Variants in UNC5C observed in about 807,000 individuals in gnomAD.
The protein encoded by UNC5C is netrin receptor UNC5C.
A neutral mutation model predicts 99.8 loss-of-function variants in UNC5C; 47 were observed. The observed-to-expected ratio is 0.47, with a 90% confidence interval of 0.37 to 0.60. The LOEUF is 0.60. Among genes scored for constraint, UNC5C ranks in the 20% least tolerant of loss-of-function variants. The pLI is 0.00. For missense variants in UNC5C, 1,062 were observed against 1,165.9 expected (o/e 0.91, Z 1.30); for synonymous variants, 487 against 452.2 (o/e 1.08, Z -0.98).
intron 1 of UNC5C, among the ~76,000 whole-genome samples, chr4:95,506,835 T>A (rs1255977745): frequency 6.6e-6 from 1 of 151,980 alleles, no homozygotes; most frequent in Non-Finnish European, 1.5e-5. Flanking sequence ...CTTTCACTAT[T>A]ACTCTCTTCT....
At chr4:95,458,836 A>G (rs1747516055) in intron 1 of UNC5C, among the ~76,000 whole-genome samples, 1 of 152,092 alleles carries the variant, frequency 6.6e-6, no homozygotes, top group East Asian at 1.9e-4. Context: ...TAGAATATTG[A>G]ACTTCATAGT....
intron 10 of UNC5C, among the ~76,000 whole-genome samples, chr4:95,211,871 G>A (rs1274141078): frequency 6.6e-6 from 1 of 152,012 alleles, no homozygotes; most frequent in Non-Finnish European, 1.5e-5. Context: ...ACATTGTCAA[G>A]AACAGTATGA....
chr4:95,397,807 T>G (rs1745560099), intron 1 of UNC5C, among the ~76,000 whole-genome samples: 1 of 152,164 alleles, frequency 6.6e-6, no homozygotes, highest in Non-Finnish European at 1.5e-5. Flanking sequence ...ACAAAGAACA[T>G]TTAAATTAAC....
intron 1 of UNC5C, among the ~76,000 whole-genome samples, chr4:95,457,479 C>A (rs1278088270): frequency 6.6e-6 from 1 of 152,082 alleles, no homozygotes; most frequent in African/African-American, 2.4e-5. Flanking sequence ...CACTTTTCAT[C>A]TGTCTGGGAA....
intron 1 of UNC5C, among the ~76,000 whole-genome samples, chr4:95,362,799 A>C (rs1421066904): frequency 6.6e-6 from 1 of 152,188 alleles, no homozygotes; most frequent in Non-Finnish European, 1.5e-5. Flanking sequence ...TTTAAATGAA[A>C]ACCCCTTCTC....
chr4:95,504,401 A>G (rs1289787911), intron 1 of UNC5C, among the ~76,000 whole-genome samples: 1 of 152,154 alleles, frequency 6.6e-6, no homozygotes, highest in Non-Finnish European at 1.5e-5. Flanking sequence ...TGGGGCAACT[A>G]TCATTTCCTC....
chr4:95,488,749 A>G (rs1578191188), intron 1 of UNC5C, among the ~76,000 whole-genome samples: 1 of 151,816 alleles, frequency 6.6e-6, no homozygotes, highest in East Asian at 1.9e-4. Flanking sequence ...ACCATCTGAG[A>G]ATAGTTCTAT....
intron 12 of UNC5C, among the ~76,000 whole-genome samples, chr4:95,185,943 A>G (rs1026149958): frequency 2.0e-5 from 3 of 149,578 alleles, no homozygotes; most frequent in Admixed American, 1.4e-4. Flanking sequence ...GCTGATGAAA[A>G]AATTTGCTAC....
At chr4:95,272,104 C>G (rs1740687478) in intron 4 of UNC5C, among the ~76,000 whole-genome samples, 1 of 152,200 alleles carries the variant, frequency 6.6e-6, no homozygotes, top group African/African-American at 2.4e-5. Flanking sequence ...CCCCAACAAC[C>G]ATCACCCTCT....
chr4:95,405,585 C>T (rs1318033160), intron 1 of UNC5C, among the ~76,000 whole-genome samples: 1 of 152,096 alleles, frequency 6.6e-6, no homozygotes, highest in Non-Finnish European at 1.5e-5. Flanking sequence ...AAAGAAAATC[C>T]TTGAAATCTC....
At position 95,257,530 on chromosome 4, in the gene UNC5C, G is replaced by T. The variant is rs150609903; in HGVS notation, c.595-6863C>A. Among the ~76,000 whole-genome samples, 170 of 152,304 alleles carry T rather than the reference G, an allele frequency of 1.1e-3. 1 individual carries two copies. Among genetic ancestry groups the T allele is most frequent in the African/African-American group, 3.6e-3 (148 of 41,570 alleles). The stretch of plus-strand genomic sequence containing the variant: ...ATATGAGTTGACGGTATGTGGAAAG[G>T]GGGGTGCAAGGGGCACTCATCTTCC... On this transcript the variant is annotated intron_variant, in intron 4 of 15. Transcript: ENST00000453304.
At chr4:95,248,189 T>C (rs1438956876) in intron 5 of UNC5C, 1 of 235,938 alleles carries the variant, frequency 4.2e-6, no homozygotes, top group Non-Finnish European at 8.4e-6. Flanking sequence ...GGGTAGGCAA[T>C]ATTTTACTTC....
At chr4:95,478,861 C>T (rs908017409) in intron 1 of UNC5C, among the ~76,000 whole-genome samples, 9 of 151,624 alleles carry the variant, frequency 5.9e-5, no homozygotes, top group East Asian at 2.0e-4. Flanking sequence ...TGGCTTGATG[C>T]CTTTATCATG....
At chr4:95,411,976 G>C (rs902589597) in intron 1 of UNC5C, among the ~76,000 whole-genome samples, 2 of 149,760 alleles carry the variant, frequency 1.3e-5, no homozygotes, top group African/African-American at 5.0e-5. Context: ...CCATAATGCT[G>C]TGGAATGTTT....
chr4:95,252,457 T>C (rs946617069), intron 4 of UNC5C, among the ~76,000 whole-genome samples: 1 of 152,202 alleles, frequency 6.6e-6, no homozygotes, highest in Admixed American at 6.5e-5. Context: ...TCACGGATTG[T>C]TTTTGCCAAG....
At position 95,548,950 on chromosome 4, in the gene UNC5C, C is replaced by A; in HGVS notation, c.-93G>T. On this transcript the variant is annotated 5_prime_UTR_variant, in exon 1 of 16. Coordinates refer to ENST00000453304, the MANE Select transcript of UNC5C (RefSeq NM_003728.4). ...CTGGGCAGAAGCTGAATCCGTGCACCGCGAAGCAGTCCGAAGAAATAACGA... is the reference window on the plus strand; with the variant it reads ...CTGGGCAGAAGCTGAATCCGTGCACAGCGAAGCAGTCCGAAGAAATAACGA... The A allele has an allele frequency of 2.0e-6, 3 of 1,499,512 alleles. No individual in the cohort carries two copies. Among genetic ancestry groups the A allele is most frequent in the South Asian group, 1.2e-5 (1 of 80,354 alleles). 92.9% of individuals were successfully genotyped at this position (1,499,512 alleles called of 1,614,324 possible).
Position 95,164,080 on chromosome 4 carries a change from T to G in UNC5C, c.*5154A>C, listed in dbSNP as rs1315251725. 6.6e-6 allele frequency: 1 copy of G among 152,198 alleles called. No individual in the cohort carries two copies. The highest frequency in any genetic ancestry group is 1.5e-5 in the Non-Finnish European group (1 of 68,046). The allele number at this position is 152,198 out of a possible 1,614,324, so 9.4% of individuals were successfully genotyped here. On this transcript the variant is annotated 3_prime_UTR_variant, in exon 16 of 16. Coordinates refer to ENST00000453304, the MANE Select transcript of UNC5C (RefSeq NM_003728.4). ...CCTAGGAACCATGACTTATGAAGAC[T>G]GGCTGTTAAAGTAGCATTTATGAAA...
chr4:95,396,439 T>C (rs1250112004), intron 1 of UNC5C, among the ~76,000 whole-genome samples: 1 of 152,150 alleles, frequency 6.6e-6, no homozygotes. Flanking sequence ...GTATTTAATT[T>C]TATCTAAAGG....
Position 95,473,835 on chromosome 4 carries a change from C to T in UNC5C, c.124+74899G>A, listed in dbSNP as rs560258508. ...CTATAAATGACTTAATTATGAGAGA[C>T]CAGCACAGTTTCAGAAGGATGGAAT... On this transcript the variant is annotated intron_variant, in intron 1 of 15. Coordinates refer to ENST00000453304, the MANE Select transcript of UNC5C (RefSeq NM_003728.4). Among the ~76,000 whole-genome samples, 48 of 152,158 alleles carry T rather than the reference C, an allele frequency of 3.2e-4. No homozygotes were observed. The South Asian group carries it at 3.3e-3, about 11-fold the overall frequency.
Sources: gnomAD v4.1 joint callset for allele counts (sites outside exome capture counted in the v4.1 genomes callset) on GRCh38, gnomAD v4.1.1 for gene constraint, MANE v1.5 for transcripts, NCBI Gene and HGNC (gene_info 2026-07-23, HGNC 2026-07-21) for gene names.